Variants in BBS4 observed in about 807,000 individuals in gnomAD.
BBS4 encodes the protein Bardet-Biedl syndrome 4, also known as BBSome complex member BBS4.
Under a neutral mutation model 71.4 loss-of-function variants are expected in BBS4, and 58 were observed. The observed-to-expected ratio is 0.81, with a 90% CI of 0.66 to 1.01. The LOEUF is 1.01. Ranked by LOEUF, BBS4 falls within the 50% of genes least tolerant of loss-of-function variation. BBS4 has a pLI of 0.00. For missense variants in BBS4, 660 were observed against 607.9 expected (o/e 1.09, Z -0.90); for synonymous variants, 228 against 216.8 (o/e 1.05, Z -0.46).
chr15:72,704,597 A>C, intron 2 of BBS4: 1 of 520,370 alleles, frequency 1.9e-6, no homozygotes, highest in Non-Finnish European at 3.2e-6. Context: ...TAACAGCAAC[A>C]GGCCCAGCAC....
chr15:72,721,092 A>G (rs2065565902), intron 6 of BBS4, among the ~76,000 whole-genome samples: 1 of 152,230 alleles, frequency 6.6e-6, no homozygotes, highest in African/African-American at 2.4e-5. Flanking sequence ...AGTTGGCAGT[A>G]TACAAGTTTT....
intron 3 of BBS4, among the ~76,000 whole-genome samples, chr15:72,710,932 A>G (rs2065358221): frequency 6.6e-6 from 1 of 150,974 alleles, no homozygotes; most frequent in African/African-American, 2.4e-5. Context: ...CTGGGATTAC[A>G]GGTGCCCGCC....
At chr15:72,693,108 A>G (rs977947004) in intron 1 of BBS4, among the ~76,000 whole-genome samples, 2 of 152,216 alleles carry the variant, frequency 1.3e-5, no homozygotes, top group Non-Finnish European at 2.9e-5. Flanking sequence ...TACTACAGGG[A>G]CCATCAAATG....
chr15:72,696,556 TC>T (rs1206329151), intron 2 of BBS4, among the ~76,000 whole-genome samples: 1 of 152,186 alleles, frequency 6.6e-6, no homozygotes, highest in African/African-American at 2.4e-5. Context: ...GTTTCTTTCT[TC>T]CTAGTTTTGC....
At position 72,737,434 on chromosome 15, in the gene BBS4, G is replaced by C. The variant is rs753522528; in HGVS notation, c.1451-44G>C. On this transcript the variant is annotated intron_variant, in intron 15 of 15. Transcript: ENST00000268057. ...ACAGCAAAAAAGAATGATTTCTTCT[G>C]AAATTGTGGAACATGAGGATTCAAG... 3.9e-5 allele frequency: 59 copies of C among 1,504,890 alleles called. No homozygotes were observed. In the South Asian group the frequency reaches 5.8e-4, roughly 15 times the overall value. 93.2% of individuals were successfully genotyped at this position (1,504,890 alleles called of 1,614,324 possible).
chr15:72,707,278 A>G (rs2065282119), intron 2 of BBS4, among the ~76,000 whole-genome samples: 1 of 149,366 alleles, frequency 6.7e-6, no homozygotes, highest in South Asian at 2.1e-4. Context: ...CACCAGGTTC[A>G]AGTGATTCTG....
chr15:72,724,480 C>T lies in BBS4; in HGVS notation c.460-48C>T, dbSNP rs373391880. Reference sequence around the variant, plus strand: ...ACATTAGCCATATAAAGGTATAGTTCGTTCAGTGGTAGTGATTTGGTTTTC... The same window carrying T: ...ACATTAGCCATATAAAGGTATAGTTTGTTCAGTGGTAGTGATTTGGTTTTC... On this transcript the variant is annotated intron_variant, in intron 7 of 15. Coordinates refer to ENST00000268057, the MANE Select transcript of BBS4 (RefSeq NM_033028.5). The T allele has an allele frequency of 1.1e-4, 178 of 1,610,432 alleles. 1 individual carries two copies. Among genetic ancestry groups the T allele is most frequent in the Non-Finnish European group, 1.2e-4 (142 of 1,177,838 alleles).
chr15:72,700,129 G>A (rs1048329947), intron 2 of BBS4, among the ~76,000 whole-genome samples: 1 of 152,024 alleles, frequency 6.6e-6, no homozygotes, highest in Non-Finnish European at 1.5e-5. Flanking sequence ...TAGTAGAGAC[G>A]GGATTTCACC....
At chr15:72,686,386 G>C in intron 1 of BBS4, 135 bp downstream of exon 1, 2 of 1,537,292 alleles carry the variant, frequency 1.3e-6, no homozygotes, top group Non-Finnish European at 1.7e-6. Flanking sequence ...GGGGCGACAC[G>C]GTCCCCTTTT....
In BBS4 at chr15:72,713,698, T is replaced by A. The variant is rs180827027; in HGVS notation, c.220+1391T>A. Among the ~76,000 whole-genome samples, 177 of 152,344 alleles carry A rather than the reference T, an allele frequency of 1.2e-3. 1 individual carries two copies. Among genetic ancestry groups the A allele is most frequent in the African/African-American group, 3.9e-3 (164 of 41,576 alleles). On this transcript the variant is annotated intron_variant, in intron 4 of 15. Coordinates refer to ENST00000268057, the MANE Select transcript of BBS4 (RefSeq NM_033028.5). ...TGACTGGCAGCACAGTAGGTTTGTT[T>A]ATACCAGCATCACTACAGATAGGTA...
chr15:72,730,502 A>G (rs891437385), intron 10 of BBS4, among the ~76,000 whole-genome samples: 5 of 151,948 alleles, frequency 3.3e-5, no homozygotes, highest in African/African-American at 1.2e-4. Context: ...GGAAGAGGGA[A>G]GATCACTTGA....
At position 72,738,336 on chromosome 15, in the gene BBS4, G is replaced by GTGAT. The variant is rs1793264405; in HGVS notation, c.*750_*753dup. On this transcript the variant is annotated 3_prime_UTR_variant, in exon 16 of 16. Coordinates refer to ENST00000268057, the MANE Select transcript of BBS4 (RefSeq NM_033028.5). ...GAGTAATTGTTATTGAAGATAGTCAGTGATAACCACTGACCAGATGCTATC... is the reference window on the plus strand; with the variant it reads ...GAGTAATTGTTATTGAAGATAGTCAGTGATTGATAACCACTGACCAGATGCTATC... 1 of 453,928 alleles carries GTGAT rather than the reference G, an allele frequency of 2.2e-6. No individual in the cohort carries two copies. The highest frequency in any genetic ancestry group is 2.0e-5 in the African/African-American group (1 of 50,006). The allele number at this position is 453,928 out of a possible 1,614,324, so 28.1% of individuals were successfully genotyped here.
chr15:72,705,626 T>A (rs1249241973), intron 2 of BBS4, among the ~76,000 whole-genome samples: 1 of 119,032 alleles, frequency 8.4e-6, no homozygotes, highest in East Asian at 2.6e-4. Flanking sequence ...TGGGTCTCAC[T>A]CTGTCACCCA....
chr15:72,708,624 G>A (rs2065308926), intron 2 of BBS4, among the ~76,000 whole-genome samples: 1 of 152,182 alleles, frequency 6.6e-6, no homozygotes. Flanking sequence ...TGCCTGTGGG[G>A]TTGGGCAAAA....
At chr15:72,709,297 T>A (rs574204856) in intron 2 of BBS4, among the ~76,000 whole-genome samples, 1 of 152,222 alleles carries the variant, frequency 6.6e-6, no homozygotes, top group Non-Finnish European at 1.5e-5. Context: ...AGAACCTACA[T>A]TGAAATATTG....
intron 2 of BBS4, among the ~76,000 whole-genome samples, chr15:72,706,886 G>T (rs1448880079): frequency 6.6e-6 from 1 of 151,730 alleles, no homozygotes; most frequent in African/African-American, 2.4e-5. Flanking sequence ...CTGCTGTATT[G>T]CCCAGGCTGG....
Position 72,706,807 on chromosome 15 carries a change from T to C in BBS4, c.77-2893T>C, listed in dbSNP as rs76369063. On this transcript the variant is annotated intron_variant, in intron 2 of 15. Transcript: ENST00000268057. ...TCCATTGATAATCCCTATTCTTGGA[T>C]AGCAATGAGCAGCATTACTTCTTTT... Among the ~76,000 whole-genome samples the C allele has an allele frequency of 8.4e-3, 1,274 of 152,306 alleles. 14 individuals are homozygous for C. The highest frequency in any genetic ancestry group is 0.029 in the African/African-American group (1,204 of 41,562).
chr15:72,706,131 CTATT>C (rs754554299), intron 2 of BBS4, among the ~76,000 whole-genome samples: 13 of 151,844 alleles, frequency 8.6e-5, no homozygotes, highest in Non-Finnish European at 1.3e-4. Flanking sequence ...TGTCCCAGAA[CTATT>C]TATTTATTTA....
intron 8 of BBS4, among the ~76,000 whole-genome samples, chr15:72,725,647 C>T (rs1360181691): frequency 6.6e-6 from 1 of 151,996 alleles, no homozygotes; most frequent in Non-Finnish European, 1.5e-5. Context: ...TAGCATGAGA[C>T]CAGTATCTTT....
Sources: gnomAD v4.1 joint callset for allele counts (sites outside exome capture counted in the v4.1 genomes callset) on GRCh38, gnomAD v4.1.1 for gene constraint, MANE v1.5 for transcripts, NCBI Gene and HGNC (gene_info 2026-07-23, HGNC 2026-07-21) for gene names.